Variants in UXS1 observed in about 807,000 individuals in gnomAD.
The protein encoded by UXS1 is UDP-glucuronate decarboxylase 1.
A neutral mutation model predicts 62.6 loss-of-function variants in UXS1; 33 were observed. The observed-to-expected ratio is 0.53, with a 90% CI of 0.40 to 0.70. The LOEUF is 0.70. Ranked by LOEUF, UXS1 falls within the 30% of genes least tolerant of loss-of-function variation. The pLI is 0.00. For missense variants in UXS1, 434 were observed against 556.3 expected, an observed-to-expected ratio of 0.78 and a Z score of 2.21; for synonymous variants, 213 against 206.8, an observed-to-expected ratio of 1.03 and a Z score of -0.26.
chr2:106,104,663 T>C (rs1332740641), intron 11 of UXS1, 131 bp downstream of exon 11: 1 of 1,134,278 alleles, frequency 8.8e-7, no homozygotes. Flanking sequence ...AAATTAAAAA[T>C]TTTTAATCAA....
chr2:106,144,915 A>G (rs1477328313), intron 6 of UXS1, among the ~76,000 whole-genome samples: 3 of 152,190 alleles, frequency 2.0e-5, no homozygotes, highest in African/African-American at 7.2e-5. Context: ...TTCAGACCAC[A>G]GCAGATGTGT....
intron 5 of UXS1, among the ~76,000 whole-genome samples, chr2:106,147,674 T>G (rs1228347080): frequency 6.6e-6 from 1 of 152,184 alleles, no homozygotes. Flanking sequence ...GCCAAACCAA[T>G]GTAAAAGCCC....
intron 9 of UXS1, among the ~76,000 whole-genome samples, chr2:106,121,774 T>C (rs1679540094): frequency 6.6e-6 from 1 of 152,148 alleles, no homozygotes; most frequent in Non-Finnish European, 1.5e-5. Context: ...TAGCATAAGG[T>C]TAATTTATGC....
intron 7 of UXS1, among the ~76,000 whole-genome samples, chr2:106,127,827 G>A (rs1255018423): frequency 6.6e-6 from 1 of 152,186 alleles, no homozygotes; most frequent in Admixed American, 6.5e-5. Context: ...ATTCCTGCAA[G>A]GCCTCCACAT....
intron 6 of UXS1, chr2:106,138,650 A>C: frequency 1.0e-6 from 1 of 985,396 alleles, no homozygotes; most frequent in Non-Finnish European, 1.2e-6. Flanking sequence ...AGGCCATTCC[A>C]TCTGGTTCAG....
intron 1 of UXS1, among the ~76,000 whole-genome samples, chr2:106,179,843 C>G (rs1451380977): frequency 6.6e-6 from 1 of 151,194 alleles, no homozygotes; most frequent in Admixed American, 6.6e-5. Flanking sequence ...TGTGGTGGCT[C>G]ATGCCTGTAA....
intron 4 of UXS1, among the ~76,000 whole-genome samples, chr2:106,161,076 T>TA (rs1682859747): frequency 6.6e-6 from 1 of 152,298 alleles, no homozygotes; most frequent in African/African-American, 2.4e-5. Flanking sequence ...CAGTGACTGA[T>TA]AGAGTGCAGT....
chr2:106,175,485 T>C (rs1683821831), intron 1 of UXS1, among the ~76,000 whole-genome samples: 1 of 152,200 alleles, frequency 6.6e-6, no homozygotes, highest in South Asian at 2.1e-4. Flanking sequence ...GGGACAGAAG[T>C]GTCTCTGTGT....
At chr2:106,122,875 A>G in intron 9 of UXS1, 95 bp downstream of exon 9, 1 of 1,509,458 alleles carries the variant, frequency 6.6e-7, no homozygotes, top group South Asian at 1.3e-5. Flanking sequence ...CCCCAGACAA[A>G]ATCAGTCATG....
chr2:106,173,414 C>T (rs1683685518), intron 1 of UXS1, among the ~76,000 whole-genome samples: 1 of 152,098 alleles, frequency 6.6e-6, no homozygotes, highest in South Asian at 2.1e-4. Context: ...ATTAGCTGGG[C>T]ATGGTGGCAC....
At chr2:106,187,639 G>T (rs949255499) in intron 1 of UXS1, among the ~76,000 whole-genome samples, 3 of 151,862 alleles carry the variant, frequency 2.0e-5, no homozygotes, top group African/African-American at 7.3e-5. Context: ...ACACTGACAG[G>T]AAAGAAAGGT....
intron 12 of UXS1, 100 bp from the exon 13 acceptor site, chr2:106,098,873 C>G: frequency 9.4e-7 from 1 of 1,060,324 alleles, no homozygotes. Context: ...CTGGCCGAGT[C>G]TGACCTCCCT....
intron 6 of UXS1, among the ~76,000 whole-genome samples, chr2:106,143,800 A>C (rs1395645188): frequency 1.3e-5 from 2 of 152,202 alleles, no homozygotes; most frequent in Non-Finnish European, 2.9e-5. Flanking sequence ...GCTCCTTCAA[A>C]GCCAGCCAGG....
At chr2:106,177,192 TC>T (rs1263120302) in intron 1 of UXS1, among the ~76,000 whole-genome samples, 5 of 27,454 alleles carry the variant, frequency 1.8e-4, no homozygotes, top group African/African-American at 6.5e-4. Context: ...ATTTTTTTTT[TC>T]TTTTTTCTTT....
At chr2:106,157,379 T>C (rs1274177009) in intron 5 of UXS1, among the ~76,000 whole-genome samples, 3 of 152,240 alleles carry the variant, frequency 2.0e-5, no homozygotes, top group Admixed American at 6.5e-5. Context: ...ACAAGAGCAC[T>C]ATTAGCCAAG....
chr2:106,115,979 C>A (rs1270464206), intron 9 of UXS1, among the ~76,000 whole-genome samples: 1 of 152,168 alleles, frequency 6.6e-6, no homozygotes, highest in African/African-American at 2.4e-5. Flanking sequence ...CCCAAAGGCC[C>A]TTTGGAAACA....
chr2:106,130,607 T>C (rs1295488174), intron 6 of UXS1, among the ~76,000 whole-genome samples: 1 of 152,206 alleles, frequency 6.6e-6, no homozygotes, highest in Non-Finnish European at 1.5e-5. Context: ...CCCTTGCACA[T>C]GGATGTGTAA....
intron 5 of UXS1, among the ~76,000 whole-genome samples, chr2:106,154,399 T>C (rs990078602): frequency 1.3e-5 from 2 of 152,176 alleles, no homozygotes; most frequent in African/African-American, 2.4e-5. Context: ...ATAGAGCCCC[T>C]ACAGACATAT....
At chr2:106,173,228 T>G (rs1441117178) in intron 1 of UXS1, among the ~76,000 whole-genome samples, 2 of 151,994 alleles carry the variant, frequency 1.3e-5, no homozygotes, top group Non-Finnish European at 2.9e-5. Context: ...ACTAAAAAGC[T>G]CCCCCAAATG....
Sources: gnomAD v4.1 joint callset for allele counts (sites outside exome capture counted in the v4.1 genomes callset) on GRCh38, gnomAD v4.1.1 for gene constraint, MANE v1.5 for transcripts, NCBI Gene and HGNC (gene_info 2026-07-23, HGNC 2026-07-21) for gene names.